Variants in RSPH14 observed in about 807,000 individuals in gnomAD.
RSPH14 encodes rhabdoid tumor deletion region gene 1.
Under a neutral mutation model 26.7 loss-of-function variants are expected in RSPH14, and 20 were observed. The observed-to-expected ratio is 0.75, with a 90% CI of 0.53 to 1.09. The LOEUF is 1.09. Among genes scored for constraint, RSPH14 ranks in the 50% least tolerant of loss-of-function variants. RSPH14 has a pLI of 0.00. For synonymous variants in RSPH14, 177 were observed against 189.3 expected (o/e 0.93, Z 0.53); for missense variants, 449 against 457.2 (o/e 0.98, Z 0.16).
chr22:23,075,887 G>A (rs1228205497), intron 4 of RSPH14, among the ~76,000 whole-genome samples: 1 of 152,156 alleles, frequency 6.6e-6, no homozygotes, highest in South Asian at 2.1e-4. Context: ...TCCTTTGTGA[G>A]GTCTGCCCCT....
At chr22:23,178,541 A>G in the RSPH14 span, among the ~76,000 whole-genome samples, 1 of 152,178 alleles carries the variant, frequency 6.6e-6, no homozygotes, top group Non-Finnish European at 1.5e-5. Flanking sequence ...AAAATGGGCT[A>G]TTTGCAGCCT....
At chr22:23,072,313 G>C (rs1417562168) in intron 4 of RSPH14, among the ~76,000 whole-genome samples, 1 of 152,164 alleles carries the variant, frequency 6.6e-6, no homozygotes, top group African/African-American at 2.4e-5. Flanking sequence ...GTGGGGGTGT[G>C]GATGGCCTGG....
chr22:23,167,205 C>A, the RSPH14 span, among the ~76,000 whole-genome samples: 1 of 152,142 alleles, frequency 6.6e-6, no homozygotes, highest in African/African-American at 2.4e-5. Flanking sequence ...AGTCAGTTGC[C>A]CCAGCACACT....
chr22:23,104,026 G>T (rs911355121), intron 4 of RSPH14, among the ~76,000 whole-genome samples: 1 of 152,142 alleles, frequency 6.6e-6, no homozygotes. Flanking sequence ...GGGCCTAGAC[G>T]TTGGGAGCAG....
chr22:23,104,970 G>A (rs1433940007), intron 4 of RSPH14, among the ~76,000 whole-genome samples: 2 of 152,232 alleles, frequency 1.3e-5, no homozygotes, highest in East Asian at 1.9e-4. Context: ...TGTGGCTCCC[G>A]TCTGGATAGT....
chr22:23,079,039 C>G (rs987104897), intron 4 of RSPH14, among the ~76,000 whole-genome samples: 1 of 152,206 alleles, frequency 6.6e-6, no homozygotes, highest in Non-Finnish European at 1.5e-5. Context: ...CTACGAGGGC[C>G]TGGGATTGAT....
the RSPH14 span, chr22:23,159,389 C>T: frequency 3.5e-6 from 3 of 849,098 alleles, no homozygotes; most frequent in Non-Finnish European, 5.4e-6. Context: ...ACTGGCATCA[C>T]AGCCCTGCTG....
Position 23,134,153 on chromosome 22 carries a change from G to C in RSPH14, c.303-9C>G. On this transcript the variant is annotated splice_polypyrimidine_tract_variant and intron_variant, in intron 3 of 6. Coordinates refer to ENST00000216036, the MANE Select transcript of RSPH14 (RefSeq NM_014433.3). ...GCTCTAGAAAGGCGTATCTAGGGAA[G>C]GGAGGGTGGACAGTGACATAAGTGA... is the stretch of plus-strand genomic sequence containing the variant. 1.3e-6 allele frequency: 2 copies of C among 1,593,174 alleles called. No individual in the cohort carries two copies.
At chr22:23,089,051 C>T (rs1055127041) in intron 4 of RSPH14, among the ~76,000 whole-genome samples, 7 of 152,180 alleles carry the variant, frequency 4.6e-5, no homozygotes, top group Non-Finnish European at 8.8e-5. Context: ...CTCTTTCCGT[C>T]GCCCAAGCTC....
chr22:23,083,978 G>T (rs1211044035), intron 4 of RSPH14, among the ~76,000 whole-genome samples: 1 of 152,160 alleles, frequency 6.6e-6, no homozygotes, highest in East Asian at 1.9e-4. Context: ...CACTGTGAGT[G>T]TGGTGGGTGG....
At chr22:23,123,560 T>TCTGCCTCCTTGGCCC in intron 4 of RSPH14, 1 of 623,426 alleles carries the variant, frequency 1.6e-6, no homozygotes, top group Non-Finnish European at 2.8e-6. Context: ...CCCCTTGGCC[T>TCTGCCTCCTTGGCCC]CTGCCTCCTT....
At chr22:23,077,203 C>G (rs912976330) in intron 4 of RSPH14, among the ~76,000 whole-genome samples, 3 of 152,170 alleles carry the variant, frequency 2.0e-5, no homozygotes, top group Admixed American at 6.5e-5. Context: ...CACCCTATCT[C>G]TCCTTACATG....
At chr22:23,100,052 A>G (rs2069249765) in intron 4 of RSPH14, among the ~76,000 whole-genome samples, 1 of 152,262 alleles carries the variant, frequency 6.6e-6, no homozygotes, top group South Asian at 2.1e-4. Flanking sequence ...CCATTTCCCG[A>G]CGGAGCTGTC....
At chr22:23,162,021 C>G in the RSPH14 span, 1 of 170,486 alleles carries the variant, frequency 5.9e-6, no homozygotes, top group Non-Finnish European at 1.3e-5. Context: ...CTGGACTTGT[C>G]AAAGTCAGCA....
intron 4 of RSPH14, among the ~76,000 whole-genome samples, chr22:23,120,862 G>T (rs1184858558): frequency 6.6e-6 from 1 of 152,208 alleles, no homozygotes; most frequent in African/African-American, 2.4e-5. Context: ...GCAAGTGTTT[G>T]CTCAGTAAAT....
chr22:23,094,616 A>G (rs2069072948), intron 4 of RSPH14, among the ~76,000 whole-genome samples: 1 of 152,166 alleles, frequency 6.6e-6, no homozygotes. Context: ...GCCCCTGCCC[A>G]CTGTGCTTAG....
upstream of RSPH14, among the ~76,000 whole-genome samples, chr22:23,142,833 C>A (rs1469258798): frequency 6.6e-6 from 1 of 152,192 alleles, no homozygotes; most frequent in Admixed American, 6.5e-5. Flanking sequence ...CATGGCTCCC[C>A]ACTAGTCTCA....
the RSPH14 span, among the ~76,000 whole-genome samples, chr22:23,178,728 A>G: frequency 6.6e-6 from 1 of 152,148 alleles, no homozygotes; most frequent in African/African-American, 2.4e-5. Context: ...ACAGGCAATC[A>G]CGAAATCGAC....
intron 4 of RSPH14, among the ~76,000 whole-genome samples, chr22:23,078,154 AC>A (rs982258961): frequency 6.6e-6 from 1 of 150,650 alleles, no homozygotes; most frequent in Non-Finnish European, 1.5e-5. Flanking sequence ...CAGCATGGTC[AC>A]CCCCTCACCC....
Sources: gnomAD v4.1 joint callset for allele counts (sites outside exome capture counted in the v4.1 genomes callset) on GRCh38, gnomAD v4.1.1 for gene constraint, MANE v1.5 for transcripts, NCBI Gene and HGNC (gene_info 2026-07-23, HGNC 2026-07-21) for gene names.